Variants in LRP1B observed in about 807,000 individuals in gnomAD.
LRP1B encodes the protein low-density lipoprotein receptor-related protein 1B.
A neutral mutation model predicts 556.6 loss-of-function variants in LRP1B; 217 were observed. That is an observed-to-expected ratio of 0.39 (90% confidence interval 0.35 to 0.44). The LOEUF is 0.44. Among genes scored for constraint, LRP1B ranks in the 20% least tolerant of loss-of-function variants. The pLI, the probability that LRP1B is intolerant of heterozygous loss-of-function variation, is 1.00. For missense variants in LRP1B, 5,053 were observed against 5,620.8 expected, an observed-to-expected ratio of 0.90 and a Z score of 3.23; for synonymous variants, 2,047 against 1,865.8, an observed-to-expected ratio of 1.10 and a Z score of -2.50.
At chr2:140,940,860 T>C (rs1695379461) in intron 20 of LRP1B, among the ~76,000 whole-genome samples, 1 of 152,168 alleles carries the variant, frequency 6.6e-6, no homozygotes, top group South Asian at 2.1e-4. Context: ...TCTTCCACAA[T>C]GTTTGAACTA....
chr2:140,549,023 A>G (rs1036235422), intron 43 of LRP1B, among the ~76,000 whole-genome samples: 10 of 152,274 alleles, frequency 6.6e-5, no homozygotes, highest in African/African-American at 2.2e-4. Flanking sequence ...AAACCCTGCC[A>G]CATTCATTCT....
intron 1 of LRP1B, among the ~76,000 whole-genome samples, chr2:142,070,284 A>G (rs948199692): frequency 4.6e-5 from 7 of 151,808 alleles, no homozygotes; most frequent in Admixed American, 2.6e-4. Context: ...AGTCTGCTGG[A>G]TATCTTATAT....
At chr2:140,336,322 A>G (rs1381889713) in intron 77 of LRP1B, among the ~76,000 whole-genome samples, 1 of 151,642 alleles carries the variant, frequency 6.6e-6, no homozygotes. Context: ...TACTGTTCTG[A>G]CAATATCCAC....
At chr2:140,721,190 T>C (rs1408139113) in intron 35 of LRP1B, among the ~76,000 whole-genome samples, 1 of 152,152 alleles carries the variant, frequency 6.6e-6, no homozygotes, top group East Asian at 1.9e-4. Flanking sequence ...TCTCAATGTA[T>C]GGTCCAATTT....
intron 3 of LRP1B, among the ~76,000 whole-genome samples, chr2:141,310,987 G>C (rs1277210427): frequency 6.6e-6 from 1 of 152,052 alleles, no homozygotes; most frequent in Non-Finnish European, 1.5e-5. Context: ...ATGAGACTTG[G>C]TCATCCTTTT....
rs772868995 is a variant in LRP1B at position 140,487,667 on chromosome 2, G to A, written c.9193C>T (p.Pro3065Ser). ...ATTCTATTTATGCGACTGCCATTGG[G>A]TCGGCTAGAATCGATCCAATAGATG... The part of the protein sequence containing the change: ...EFIYWIDSSR[P>S]NGSRINRMCL... The change falls in exon 58 of 91, where the codon CCC becomes TCC. Residue 3065 changes from proline (P) to serine (S), a missense_variant. Transcript: ENST00000389484. The A allele has an allele frequency of 6.9e-6, 11 of 1,605,474 alleles. No individual in the cohort carries two copies. The highest frequency in any genetic ancestry group is 8.5e-6 in the Non-Finnish European group (10 of 1,174,224).
chr2:140,916,621 A>G (rs1429343), intron 21 of LRP1B, among the ~76,000 whole-genome samples: 32,858 of 152,068 alleles, frequency 0.22, 4,031 homozygotes, highest in East Asian at 0.42. Context: ...GCTTATTCCA[A>G]TGGAATCTAG....
intron 6 of LRP1B, among the ~76,000 whole-genome samples, chr2:141,200,644 C>G (rs1043353489): frequency 1.3e-5 from 2 of 152,060 alleles, no homozygotes; most frequent in Non-Finnish European, 2.9e-5. Flanking sequence ...CGCATACACA[C>G]GCGGTGACTC....
At chr2:140,792,501 A>G (rs1272178307) in intron 32 of LRP1B, among the ~76,000 whole-genome samples, 1 of 152,116 alleles carries the variant, frequency 6.6e-6, no homozygotes, top group Non-Finnish European at 1.5e-5. Context: ...TCCATATATA[A>G]TCGTGCCTAG....
At chr2:140,809,664 C>T (rs1391738469) in intron 32 of LRP1B, among the ~76,000 whole-genome samples, 1 of 152,208 alleles carries the variant, frequency 6.6e-6, no homozygotes, top group Non-Finnish European at 1.5e-5. Flanking sequence ...AAAGTGACTA[C>T]AAAACTTAGC....
At chr2:140,320,841 G>A (rs973605060) in intron 82 of LRP1B, among the ~76,000 whole-genome samples, 3 of 152,134 alleles carry the variant, frequency 2.0e-5, no homozygotes, top group Admixed American at 2.0e-4. Context: ...TCAGGAGTTC[G>A]AGATCAGGCT....
At chr2:141,056,910 C>T (rs1699192611) in intron 9 of LRP1B, among the ~76,000 whole-genome samples, 1 of 151,896 alleles carries the variant, frequency 6.6e-6, no homozygotes, top group Non-Finnish European at 1.5e-5. Context: ...TTGTCCTAAA[C>T]TCACTCCATG....
intron 1 of LRP1B, among the ~76,000 whole-genome samples, chr2:142,062,276 A>G (rs970267908): frequency 6.6e-6 from 1 of 151,842 alleles, no homozygotes; most frequent in Non-Finnish European, 1.5e-5. Context: ...GCTGCTACTC[A>G]CATACTGTCA....
chr2:140,676,135 A>T (rs2105368558), intron 41 of LRP1B, among the ~76,000 whole-genome samples: 1 of 152,336 alleles, frequency 6.6e-6, no homozygotes, highest in Non-Finnish European at 1.5e-5. Flanking sequence ...TTACTGGAAC[A>T]TTCCTGGGGA....
At chr2:140,576,775 G>C (rs1681542213) in intron 43 of LRP1B, among the ~76,000 whole-genome samples, 1 of 151,996 alleles carries the variant, frequency 6.6e-6, no homozygotes, top group South Asian at 2.1e-4. Flanking sequence ...TATCCCAGTC[G>C]ACTTTTGGCC....
At chr2:141,103,863 C>G (rs1167498713) in intron 7 of LRP1B, among the ~76,000 whole-genome samples, 1 of 151,656 alleles carries the variant, frequency 6.6e-6, no homozygotes, top group African/African-American at 2.4e-5. Context: ...TTAGCAAAGT[C>G]TTTTTTCAAA....
At chr2:141,204,510 A>G (rs985574741) in intron 6 of LRP1B, among the ~76,000 whole-genome samples, 13 of 152,146 alleles carry the variant, frequency 8.5e-5, no homozygotes, top group African/African-American at 2.9e-4. Flanking sequence ...TTGGGGTGTT[A>G]TTTTCCTGAG....
At chr2:141,728,330 C>T (rs572294657) in intron 2 of LRP1B, among the ~76,000 whole-genome samples, 2 of 149,772 alleles carry the variant, frequency 1.3e-5, no homozygotes, top group African/African-American at 4.8e-5. Context: ...GAGTGACAAT[C>T]CCAGAGCAGC....
intron 7 of LRP1B, among the ~76,000 whole-genome samples, chr2:141,176,572 G>A (rs1249006292): frequency 2.6e-5 from 4 of 152,030 alleles, no homozygotes; most frequent in African/African-American, 9.7e-5. Flanking sequence ...AGAACTGTGA[G>A]TCAATTAAAC....
Sources: gnomAD v4.1 joint callset for allele counts (sites outside exome capture counted in the v4.1 genomes callset) on GRCh38, gnomAD v4.1.1 for gene constraint, MANE v1.5 for transcripts, NCBI Gene and HGNC (gene_info 2026-07-23, HGNC 2026-07-21) for gene names.